The following BMP5 variants were observed in gnomAD, a reference collection of about 807,000 sequenced individuals.
The protein encoded by BMP5 is bone morphogenetic protein 5.
BMP5 carries 23 observed loss-of-function variants against 46.6 expected under a neutral mutation model. That is an observed-to-expected ratio of 0.49 (90% CI 0.35 to 0.70). BMP5 has a LOEUF of 0.70. Ranked by LOEUF, BMP5 falls within the 30% of genes least tolerant of loss-of-function variation. The probability of loss-of-function intolerance (pLI) is 0.00; values close to 1 mark genes in which losing one functional copy is unlikely to be tolerated. For missense variants in BMP5, 545 were observed against 565.6 expected, an observed-to-expected ratio of 0.96 and a Z score of 0.37; for synonymous variants, 204 against 191.9, an observed-to-expected ratio of 1.06 and a Z score of -0.52.
chr6:55,832,258 C>G (rs1347763274), intron 1 of BMP5, among the ~76,000 whole-genome samples: 1 of 152,052 alleles, frequency 6.6e-6, no homozygotes, highest in Admixed American at 6.6e-5. Flanking sequence ...CTTTTTTTCC[C>G]TACTCCTGAG....
Position 55,774,497 on chromosome 6 carries a change from G to C in BMP5, c.833-254C>G, listed in dbSNP as rs147267487. Among the ~76,000 whole-genome samples the C allele has an allele frequency of 2.6e-5, 4 of 151,994 alleles. No homozygotes were observed. The East Asian group carries it at 7.8e-4, about 30-fold the overall frequency. ...GCTTTCACTCACTGAGAGCTTCTCA[G>C]ACCTTGAAGTCAAGAATACTATAAA... On this transcript the variant is annotated intron_variant, in intron 3 of 6. Coordinates refer to ENST00000370830, the MANE Select transcript of BMP5 (RefSeq NM_021073.4).
chr6:55,788,468 C>T (rs1202022311), intron 3 of BMP5, among the ~76,000 whole-genome samples: 1 of 151,762 alleles, frequency 6.6e-6, no homozygotes, highest in African/African-American at 2.4e-5. Flanking sequence ...TGACCTTTTC[C>T]CTGTGGACTA....
chr6:55,839,895 T>C (rs1776909356), intron 1 of BMP5, among the ~76,000 whole-genome samples: 1 of 152,140 alleles, frequency 6.6e-6, no homozygotes, highest in Non-Finnish European at 1.5e-5. Flanking sequence ...TACTATTAGG[T>C]TATTTATCTT....
chr6:55,793,537 G>A (rs1775623658), intron 3 of BMP5, among the ~76,000 whole-genome samples: 1 of 152,082 alleles, frequency 6.6e-6, no homozygotes, highest in African/African-American at 2.4e-5. Flanking sequence ...TGTATGTTCT[G>A]CTTTCCCATG....
chr6:55,792,156 GA>G (rs1446222988), intron 3 of BMP5, among the ~76,000 whole-genome samples: 1 of 152,160 alleles, frequency 6.6e-6, no homozygotes, highest in African/African-American at 2.4e-5. Context: ...AAAAGCTATG[GA>G]AAAATCTGGA....
At chr6:55,839,794 T>G (rs1484146707) in intron 1 of BMP5, among the ~76,000 whole-genome samples, 8 of 152,218 alleles carry the variant, frequency 5.3e-5, no homozygotes. Flanking sequence ...ATAATGATAT[T>G]AAATACCTTT....
intron 3 of BMP5, among the ~76,000 whole-genome samples, chr6:55,779,450 T>G (rs1775255066): frequency 6.6e-6 from 1 of 152,074 alleles, no homozygotes; most frequent in Non-Finnish European, 1.5e-5. Context: ...GATCTTCACT[T>G]ATTTTCAACC....
intron 3 of BMP5, among the ~76,000 whole-genome samples, chr6:55,789,541 C>T (rs1775526468): frequency 6.6e-6 from 1 of 151,678 alleles, no homozygotes; most frequent in African/African-American, 2.4e-5. Context: ...GATTTATTAG[C>T]AATGTTAATA....
In BMP5 at chr6:55,874,755, A is replaced by G. The variant is rs3734444; in HGVS notation, c.111T>C (p.Ser37=). 0.42 allele frequency: 685,017 copies of G among 1,613,042 alleles called. 149,912 individuals carry two copies. The highest frequency in any genetic ancestry group is 0.61 in the African/African-American group (45,994 of 74,810). ...GGLGDNHVHS[S]FIYRRLRNHE... ...GGTTCCGTAGTCTTCTATAAATAAA[A>G]CTGGAGTGAACATGATTGTCTCCCA... is the stretch of plus-strand genomic sequence containing the variant. Residue 37 remains serine, a synonymous_variant, in exon 1 of 7, where the codon AGT becomes AGC. Transcript: ENST00000370830.
At chr6:55,757,170 AG>A (rs1774628890) in intron 6 of BMP5, among the ~76,000 whole-genome samples, 2 of 151,964 alleles carry the variant, frequency 1.3e-5, no homozygotes, top group South Asian at 4.1e-4. Flanking sequence ...ATTTTAAAAA[AG>A]AAAAAATGAG....
At chr6:55,838,621 C>T (rs1160521876) in intron 1 of BMP5, among the ~76,000 whole-genome samples, 1 of 152,030 alleles carries the variant, frequency 6.6e-6, no homozygotes, top group Non-Finnish European at 1.5e-5. Flanking sequence ...ATTTTTTTCC[C>T]TTGCTGTGCA....
intron 2 of BMP5, among the ~76,000 whole-genome samples, chr6:55,800,646 CA>C (rs897226804): frequency 1.7e-3 from 257 of 151,670 alleles, no homozygotes; most frequent in African/African-American, 5.6e-3. Flanking sequence ...CATTATAAGA[CA>C]AAAAAAATTG....
intron 1 of BMP5, among the ~76,000 whole-genome samples, chr6:55,869,900 G>T (rs1777739131): frequency 1.3e-5 from 2 of 152,076 alleles, no homozygotes; most frequent in African/African-American, 4.8e-5. Context: ...GTAACTAATT[G>T]ATTTTCAACT....
chr6:55,825,993 G>GA, intron 1 of BMP5, among the ~76,000 whole-genome samples: 2 of 151,206 alleles, frequency 1.3e-5, no homozygotes, highest in African/African-American at 2.4e-5. Flanking sequence ...TTGTAAAAGT[G>GA]AAAAAAAAGC....
At chr6:55,760,324 T>C (rs757762174) in intron 5 of BMP5, 133 bp downstream of exon 5, 51 of 773,732 alleles carry the variant, frequency 6.6e-5, no homozygotes, top group Non-Finnish European at 1.1e-4. Flanking sequence ...ATAAAGTGAA[T>C]AAGCCATATT....
chr6:55,852,573 A>G (rs1396220193), intron 1 of BMP5, among the ~76,000 whole-genome samples: 1 of 152,058 alleles, frequency 6.6e-6, no homozygotes, highest in Non-Finnish European at 1.5e-5. Context: ...TGCTCTTTAC[A>G]TAGAAGAAAT....
At chr6:55,814,248 G>T (rs1481965861) in intron 2 of BMP5, among the ~76,000 whole-genome samples, 4 of 151,994 alleles carry the variant, frequency 2.6e-5, no homozygotes, top group African/African-American at 9.7e-5. Flanking sequence ...AAAGGTAGGT[G>T]TCAGAAAACT....
At chr6:55,765,575 G>A (rs1308003160) in intron 4 of BMP5, among the ~76,000 whole-genome samples, 2 of 152,054 alleles carry the variant, frequency 1.3e-5, no homozygotes, top group Non-Finnish European at 2.9e-5. Context: ...ATGACCTTGG[G>A]GGTAGAAAAA....
intron 3 of BMP5, among the ~76,000 whole-genome samples, chr6:55,785,951 G>A (rs915542115): frequency 1.3e-5 from 2 of 151,650 alleles, no homozygotes; most frequent in African/African-American, 4.8e-5. Flanking sequence ...CCTGCTAAAT[G>A]CTGTAAAAAG....
Sources: allele counts gnomAD v4.1 joint callset (sites outside exome capture counted in the v4.1 genomes callset), GRCh38; gene constraint gnomAD v4.1.1; transcripts MANE v1.5; gene names NCBI Gene and HGNC (gene_info 2026-07-23, HGNC 2026-07-21).